CEP128: variants seen among roughly 807,000 people sequenced by gnomAD.
CEP128 encodes the protein centrosomal protein 128, also known as centrosomal protein 128kDa.
Under a neutral mutation model 156.7 loss-of-function variants are expected in CEP128, and 132 were observed. That is an observed-to-expected ratio of 0.84 (90% confidence interval 0.73 to 0.97). The LOEUF is 0.97. CEP128 is among the 50% of genes least tolerant of loss of function. The probability of loss-of-function intolerance (pLI) is 0.00; values close to 1 mark genes in which losing one functional copy is unlikely to be tolerated. For synonymous variants in CEP128, 469 were observed against 448.9 expected (o/e 1.04, Z -0.57); for missense variants, 1,252 against 1,281.9 (o/e 0.98, Z 0.36).
At chr14:80,710,373 A>G (rs1377355015) in intron 19 of CEP128, among the ~76,000 whole-genome samples, 4 of 152,158 alleles carry the variant, frequency 2.6e-5, no homozygotes, top group African/African-American at 7.2e-5. Context: ...CTCTTGAAAA[A>G]GAAACAAAAT....
intron 16 of CEP128, 36 bp downstream of exon 16, chr14:80,777,846 T>A: frequency 1.4e-6 from 2 of 1,414,408 alleles, no homozygotes; most frequent in Non-Finnish European, 2.0e-6. Context: ...AAAATTGAAA[T>A]TAGAATTTGA....
chr14:80,733,748 G>A lies in CEP128; in HGVS notation c.2806+9327C>T, dbSNP rs1221136633. On this transcript the variant is annotated intron_variant, in intron 19 of 24. Coordinates refer to ENST00000555265, the MANE Select transcript of CEP128 (RefSeq NM_152446.5). Reference sequence around the variant, plus strand: ...ATTTCCATTTTATATTTCATGACATGCATATGTTTATTTTCAGCAACTACA... The same window carrying A: ...ATTTCCATTTTATATTTCATGACATACATATGTTTATTTTCAGCAACTACA... 2.0e-5 allele frequency among the ~76,000 whole-genome samples: 3 copies of A among 152,008 alleles called. No homozygotes were observed. The South Asian group carries it at 6.2e-4, about 32-fold the overall frequency.
intron 19 of CEP128, among the ~76,000 whole-genome samples, chr14:80,688,526 T>C (rs1896602966): frequency 6.6e-6 from 1 of 152,214 alleles, no homozygotes. Context: ...ATTGCAATAG[T>C]TCCCAAACCT....
At chr14:80,703,643 T>C (rs1361762368) in intron 19 of CEP128, among the ~76,000 whole-genome samples, 1 of 152,104 alleles carries the variant, frequency 6.6e-6, no homozygotes, top group Non-Finnish European at 1.5e-5. Context: ...TAAGAAATAA[T>C]AGAGATCACT....
intron 12 of CEP128, among the ~76,000 whole-genome samples, chr14:80,835,078 T>G (rs1886006715): frequency 6.6e-6 from 1 of 152,102 alleles, no homozygotes; most frequent in Non-Finnish European, 1.5e-5. Context: ...AACTGATTAG[T>G]TCAGACAAGA....
chr14:80,563,295 A>G (rs545462867), intron 20 of CEP128, among the ~76,000 whole-genome samples: 1 of 152,080 alleles, frequency 6.6e-6, no homozygotes. Context: ...TAGGAGAAGT[A>G]GACAAGGGAA....
Position 80,743,226 on chromosome 14 carries a change from TTC to T in CEP128, c.2653_2654del (p.Glu885LysfsTer22), listed in dbSNP as rs1258394134. Reference sequence around the variant, plus strand: ...GGTGTCGCAGATTTTTCTCTCTGTTTTCTCTCTCTTTCAGTTCCTCACAGAGC... The same window carrying T: ...GGTGTCGCAGATTTTTCTCTCTGTTTTCTCTCTTTCAGTTCCTCACAGAGC... ...QWLCEELKERENREKNLRHQL... is the reference protein window; with the variant it reads ...QWLCEELKERXNREKNLRHQL... On this transcript the variant is annotated frameshift_variant, in exon 19 of 25. Transcript: ENST00000555265. LOFTEE classifies it high-confidence loss of function. 2.5e-6 allele frequency: 4 copies of T among 1,613,536 alleles called. No homozygotes were observed. Among genetic ancestry groups the T allele is most frequent in the Admixed American group, 3.3e-5 (2 of 59,940 alleles).
At chr14:80,571,096 AG>A (rs2140413246) in intron 20 of CEP128, among the ~76,000 whole-genome samples, 1 of 152,320 alleles carries the variant, frequency 6.6e-6, no homozygotes, top group Admixed American at 6.5e-5. Flanking sequence ...AAACAGCACA[AG>A]AAAGGATTGA....
At position 80,893,111 on chromosome 14, in the gene CEP128, T is replaced by C. The variant is rs1889180923; in HGVS notation, c.645+2607A>G. The stretch of plus-strand genomic sequence containing the variant: ...GATAGACAAATGAATAAAGAAACTG[T>C]GGTACATATATACAATGAAATATTA... On this transcript the variant is annotated intron_variant, in intron 8 of 24. Coordinates refer to ENST00000555265, the MANE Select transcript of CEP128 (RefSeq NM_152446.5). Among the ~76,000 whole-genome samples, 4 of 152,052 alleles carry C rather than the reference T, an allele frequency of 2.6e-5. No individual in the cohort carries two copies. In the South Asian group the frequency reaches 8.3e-4, roughly 32 times the overall value.
chr14:80,762,286 A>T lies in CEP128; in HGVS notation c.2377-673T>A, dbSNP rs1420263774. 3.3e-5 allele frequency among the ~76,000 whole-genome samples: 5 copies of T among 152,256 alleles called. 1 individual carries two copies. Among genetic ancestry groups the T allele is most frequent in the African/African-American group, 1.2e-4 (5 of 41,550 alleles). On this transcript the variant is annotated intron_variant, in intron 16 of 24. Coordinates refer to ENST00000555265, the MANE Select transcript of CEP128 (RefSeq NM_152446.5). ...TAAATCATTATGATTATACAGTTAC[A>T]TTACTAGAGAAATTCCAAATGCATA...
intron 21 of CEP128, among the ~76,000 whole-genome samples, chr14:80,538,889 T>G (rs954731141): frequency 6.6e-6 from 1 of 152,168 alleles, no homozygotes; most frequent in Non-Finnish European, 1.5e-5. Flanking sequence ...TGGCAACACT[T>G]ACTGGAGCAC....
chr14:80,511,076 TTA>T (rs1294102082), intron 23 of CEP128, among the ~76,000 whole-genome samples: 2 of 151,558 alleles, frequency 1.3e-5, no homozygotes, highest in Non-Finnish European at 3.0e-5. Context: ...TTTTTTTTTT[TTA>T]TATGTCTTCT....
At chr14:80,543,940 C>T (rs754929518) in intron 21 of CEP128, among the ~76,000 whole-genome samples, 2 of 152,130 alleles carry the variant, frequency 1.3e-5, no homozygotes, top group South Asian at 2.1e-4. Context: ...TTGGACACTT[C>T]GAGTGTGCTA....
rs114692066 is a variant in CEP128 at position 80,764,182 on chromosome 14, G to A, written c.2377-2569C>T. On this transcript the variant is annotated intron_variant, in intron 16 of 24. Coordinates refer to ENST00000555265, the MANE Select transcript of CEP128 (RefSeq NM_152446.5). The stretch of plus-strand genomic sequence containing the variant: ...TTGTCAGAAAAATCTCTATAAGTTC[G>A]GTCTCTTTAGAAAACATAGAAAATT... Among the ~76,000 whole-genome samples the A allele has an allele frequency of 6.6e-3, 1,011 of 152,154 alleles. 13 individuals carry two copies. Among genetic ancestry groups the A allele is most frequent in the African/African-American group, 0.023 (946 of 41,504 alleles).
chr14:80,583,384 T>G (rs905273921), intron 19 of CEP128, among the ~76,000 whole-genome samples: 9 of 152,168 alleles, frequency 5.9e-5, no homozygotes, highest in Non-Finnish European at 1.2e-4. Context: ...GTTCCTCTTT[T>G]CCACATGATT....
chr14:80,751,975 C>T (rs574654310), intron 18 of CEP128, among the ~76,000 whole-genome samples: 1 of 151,994 alleles, frequency 6.6e-6, no homozygotes, highest in African/African-American at 2.4e-5. Context: ...TGATAGCTTC[C>T]AATTAGGTGG....
At chr14:80,489,981 A>T (rs1036984861), downstream of CEP128, among the ~76,000 whole-genome samples, 1 of 151,928 alleles carries the variant, frequency 6.6e-6, no homozygotes, top group African/African-American at 2.4e-5. Context: ...AGATATCAAG[A>T]GGAGTTCTTG....
At chr14:80,858,136 C>A (rs1041596154) in intron 9 of CEP128, among the ~76,000 whole-genome samples, 1 of 151,792 alleles carries the variant, frequency 6.6e-6, no homozygotes, top group East Asian at 1.9e-4. Flanking sequence ...CACTACCTGA[C>A]TTCAAACTAT....
chr14:80,948,984 A>G (rs1886401493), intron 2 of CEP128, among the ~76,000 whole-genome samples: 1 of 152,224 alleles, frequency 6.6e-6, no homozygotes, highest in Non-Finnish European at 1.5e-5. Context: ...CCACTAAGCC[A>G]ATTTCATGCT....
Sources: gnomAD v4.1 joint callset for allele counts (sites outside exome capture counted in the v4.1 genomes callset) on GRCh38, gnomAD v4.1.1 for gene constraint, MANE v1.5 for transcripts, NCBI Gene and HGNC (gene_info 2026-07-23, HGNC 2026-07-21) for gene names.